DLGAP1: variants seen among roughly 807,000 people sequenced by gnomAD.
DLGAP1 encodes DLG associated protein 1.
Under a neutral mutation model 90.8 loss-of-function variants are expected in DLGAP1, and 11 were observed. The observed-to-expected ratio is 0.12, with a 90% CI of 0.08 to 0.20. The LOEUF (loss-of-function observed/expected upper bound fraction) is 0.20, where lower values mean the gene tolerates loss of function less well. DLGAP1 is among the 10% of genes least tolerant of loss of function. The probability of loss-of-function intolerance (pLI) is 1.00; values close to 1 mark genes in which losing one functional copy is unlikely to be tolerated. For missense variants in DLGAP1, 1,050 were observed against 1,333.8 expected, an observed-to-expected ratio of 0.79 and a Z score of 3.31; for synonymous variants, 558 against 540.7, an observed-to-expected ratio of 1.03 and a Z score of -0.44.
chr18:4,129,915 C>T (rs2076288556), intron 2 of DLGAP1, among the ~76,000 whole-genome samples: 1 of 152,178 alleles, frequency 6.6e-6, no homozygotes, highest in Non-Finnish European at 1.5e-5. Flanking sequence ...TCAGTACTAT[C>T]CTTAGCTATT....
chr18:4,154,213 A>T (rs1020304140), intron 1 of DLGAP1, among the ~76,000 whole-genome samples: 1 of 145,248 alleles, frequency 6.9e-6, no homozygotes. Context: ...GATGTGCACC[A>T]CCACACCCGG....
At position 4,187,571 on chromosome 18, in the gene DLGAP1, A is replaced by G. The variant is rs144111567; in HGVS notation, c.-266-36284T>C. ...AATGCAAATTTATAAATTCAGTTAG[A>G]TGAAAAGCAGAGTATGATTAGTATC... On this transcript the variant is annotated intron_variant, in intron 1 of 12. Transcript: ENST00000315677. Among the ~76,000 whole-genome samples, 53 of 152,320 alleles carry G rather than the reference A, an allele frequency of 3.5e-4. 1 individual carries two copies. In the East Asian group the frequency reaches 9.8e-3, roughly 28 times the overall value.
intron 7 of DLGAP1, among the ~76,000 whole-genome samples, chr18:3,685,507 T>C (rs979470752): frequency 3.8e-5 from 5 of 133,236 alleles, no homozygotes; most frequent in Admixed American, 9.1e-5. Context: ...GAACTTGCAG[T>C]GAGCCGAGAT....
intron 5 of DLGAP1, among the ~76,000 whole-genome samples, chr18:3,772,166 C>CTCCTTCCT (rs1347766396): frequency 4.1e-5 from 4 of 96,446 alleles, no homozygotes; most frequent in South Asian, 6.7e-4. Flanking sequence ...CTTTCTTTCT[C>CTCCTTCCT]TCCTTCCTTT....
chr18:4,186,776 T>C (rs763083145), intron 1 of DLGAP1, among the ~76,000 whole-genome samples: 3 of 151,932 alleles, frequency 2.0e-5, no homozygotes, highest in Non-Finnish European at 2.9e-5. Flanking sequence ...TTGGTCAACA[T>C]GGATTTTAAA....
chr18:3,544,812 C>T (rs2052918505), intron 9 of DLGAP1, among the ~76,000 whole-genome samples: 1 of 151,806 alleles, frequency 6.6e-6, no homozygotes, highest in Non-Finnish European at 1.5e-5. Flanking sequence ...CATCTCAGCT[C>T]ACTGCAACCT....
At chr18:4,220,692 CAT>C (rs1252982819) in intron 1 of DLGAP1, among the ~76,000 whole-genome samples, 2 of 152,114 alleles carry the variant, frequency 1.3e-5, no homozygotes, top group Non-Finnish European at 2.9e-5. Context: ...AAGAAGCCAT[CAT>C]ATATATGGAA....
chr18:4,192,977 G>A (rs1198962802), intron 1 of DLGAP1, among the ~76,000 whole-genome samples: 1 of 152,184 alleles, frequency 6.6e-6, no homozygotes, highest in East Asian at 1.9e-4. Flanking sequence ...ATCTTGAAGG[G>A]TATTGCAAAA....
rs1202615293 is a variant in DLGAP1 at position 3,600,785 on chromosome 18, TATATATAG to T, written c.1592-18545_1592-18538del. The stretch of plus-strand genomic sequence containing the variant: ...ATATAGATATATATAGATATATAGA[TATATATAG>T]ATATATAGATATATAGATATATATA... On this transcript the variant is annotated intron_variant, in intron 7 of 12. Coordinates refer to ENST00000315677, the MANE Select transcript of DLGAP1 (RefSeq NM_004746.4). Among the ~76,000 whole-genome samples the T allele has an allele frequency of 4.5e-4, 33 of 74,092 alleles. 3 individuals are homozygous for T. The highest frequency in any genetic ancestry group is 1.5e-3 in the South Asian group (4 of 2,728). The allele number at this position is 74,092 out of a possible 152,430, so 48.6% of individuals were successfully genotyped here.
intron 1 of DLGAP1, among the ~76,000 whole-genome samples, chr18:4,341,075 T>C (rs1313202941): frequency 6.6e-6 from 1 of 152,084 alleles, no homozygotes; most frequent in African/African-American, 2.4e-5. Context: ...CTCACAAATG[T>C]AATCTACTTA....
At chr18:3,802,262 C>T (rs892862455) in intron 5 of DLGAP1, among the ~76,000 whole-genome samples, 2 of 148,258 alleles carry the variant, frequency 1.3e-5, no homozygotes, top group African/African-American at 2.5e-5. Flanking sequence ...GGATTACAGG[C>T]ATGAGCCACC....
intron 2 of DLGAP1, among the ~76,000 whole-genome samples, chr18:4,129,053 G>A (rs1043580479): frequency 6.6e-6 from 1 of 152,030 alleles, no homozygotes; most frequent in Non-Finnish European, 1.5e-5. Context: ...GGAAGGGAGG[G>A]GCAAGGGGCA....
At chr18:4,186,129 G>GT (rs568462002) in intron 1 of DLGAP1, among the ~76,000 whole-genome samples, 55 of 151,946 alleles carry the variant, frequency 3.6e-4, no homozygotes, top group Non-Finnish European at 6.3e-4. Context: ...TAATGGTGGT[G>GT]TTTTTTCTTG....
At chr18:3,659,604 C>T (rs530652280) in intron 7 of DLGAP1, among the ~76,000 whole-genome samples, 12 of 151,222 alleles carry the variant, frequency 7.9e-5, no homozygotes, top group East Asian at 7.7e-4. Flanking sequence ...CTCCCTCTGT[C>T]GCCCAGGCTG....
chr18:3,621,609 G>C (rs2058097823), intron 7 of DLGAP1, among the ~76,000 whole-genome samples: 2 of 152,172 alleles, frequency 1.3e-5, no homozygotes, highest in South Asian at 4.1e-4. Context: ...AACTGTTTCT[G>C]TACCTCACTT....
intron 3 of DLGAP1, among the ~76,000 whole-genome samples, chr18:3,958,510 T>C (rs2073127987): frequency 6.9e-6 from 1 of 144,680 alleles, no homozygotes; most frequent in Non-Finnish European, 1.5e-5. Flanking sequence ...GTCTTCTGGC[T>C]AAGTCAAGTA....
chr18:3,674,477 G>C (rs1049280527), intron 7 of DLGAP1, among the ~76,000 whole-genome samples: 1 of 151,154 alleles, frequency 6.6e-6, no homozygotes, highest in African/African-American at 2.4e-5. Context: ...AAAATCAGCT[G>C]GGCGCACTGG....
chr18:3,700,461 T>C (rs1370632362), intron 7 of DLGAP1, among the ~76,000 whole-genome samples: 1 of 152,136 alleles, frequency 6.6e-6, no homozygotes, highest in Non-Finnish European at 1.5e-5. Context: ...ACCCACTATC[T>C]AACCAGTCCC....
intron 9 of DLGAP1, among the ~76,000 whole-genome samples, chr18:3,563,063 G>A (rs2054234675): frequency 6.6e-6 from 1 of 152,066 alleles, no homozygotes; most frequent in South Asian, 2.1e-4. Context: ...CTGGGCTGAA[G>A]TGATCCACCC....
Sources: allele counts gnomAD v4.1 joint callset (sites outside exome capture counted in the v4.1 genomes callset), GRCh38; gene constraint gnomAD v4.1.1; transcripts MANE v1.5; gene names NCBI Gene and HGNC (gene_info 2026-07-23, HGNC 2026-07-21).